CCDC88A: variants seen among roughly 807,000 people sequenced by gnomAD.
CCDC88A encodes girdin.
Under a neutral mutation model 234.3 loss-of-function variants are expected in CCDC88A, and 54 were observed. The ratio of observed to expected loss-of-function variants is 0.23; its 90% CI spans 0.19 to 0.29. The LOEUF (loss-of-function observed/expected upper bound fraction) is 0.29, where lower values mean the gene tolerates loss of function less well. Ranked by LOEUF, CCDC88A falls within the 10% of genes least tolerant of loss-of-function variation. CCDC88A has a pLI of 1.00. For synonymous variants in CCDC88A, 753 were observed against 737.8 expected (o/e 1.02, Z -0.33); for missense variants, 1,832 against 2,123.4 (o/e 0.86, Z 2.70).
chr2:55,387,704 C>T (rs1169161884), intron 3 of CCDC88A, among the ~76,000 whole-genome samples: 1 of 148,708 alleles, frequency 6.7e-6, no homozygotes, highest in Admixed American at 6.8e-5. Context: ...ATCGCTTGAA[C>T]CCAGGAGGCA....
rs79894424 is a variant in CCDC88A, at chr2:55,295,402, C to A, written c.5551+195G>T. On this transcript the variant is annotated intron_variant, in intron 31 of 32. Transcript: ENST00000436346. ...CCTATGCTATCTTTTGCCAACATTC[C>A]GAATGCATCACTAGGCATCCTAATA... 1,837 of 1,546,986 alleles carry A rather than the reference C, an allele frequency of 1.2e-3. 5 individuals carry two copies. Among genetic ancestry groups the A allele is most frequent in the Non-Finnish European group, 1.5e-3 (1,715 of 1,145,092 alleles).
intron 2 of CCDC88A, among the ~76,000 whole-genome samples, chr2:55,393,258 G>C (rs1214704326): frequency 2.1e-5 from 3 of 144,040 alleles, no homozygotes; most frequent in Non-Finnish European, 4.5e-5. Flanking sequence ...TTGTGTAACA[G>C]GAATATAGAG....
Position 55,318,938 on chromosome 2 carries a change from T to C in CCDC88A, c.3229A>G (p.Asn1077Asp). Residue 1077 changes from asparagine to aspartate, a missense_variant, in exon 19 of 33, where the codon AAT becomes GAT. By Grantham distance (23) the Asn-to-Asp change is conservative (BLOSUM62 1). This residue lies in a region of CCDC88A where 1,282 missense variants were observed against 1,543.6 expected (regional missense o/e 0.83). Coordinates refer to ENST00000436346, the MANE Select transcript of CCDC88A (RefSeq NM_001365480.1). ...TQLKQLETQN[N>D]NLQAQILALQ... ...GCAAGAATCTGAGCCTGCAAATTAT[T>C]GTTCTGTGTCTCAAGTTGCTTCAGT... 8 of 1,613,630 alleles carry C rather than the reference T, an allele frequency of 5.0e-6. No homozygotes were observed. The highest frequency in any genetic ancestry group is 6.8e-6 in the Non-Finnish European group (8 of 1,179,668).
At chr2:55,416,178 T>A (rs909285239) in intron 2 of CCDC88A, among the ~76,000 whole-genome samples, 6 of 151,404 alleles carry the variant, frequency 4.0e-5, no homozygotes, top group Admixed American at 6.6e-5. Flanking sequence ...AACATAGACA[T>A]GGAAGATATA....
At chr2:55,399,815 G>A (rs1420437344) in intron 2 of CCDC88A, 2 of 150,226 alleles carry the variant, frequency 1.3e-5, no homozygotes, top group Non-Finnish European at 3.0e-5. Context: ...ACATTTGTGA[G>A]ACTAAGCATA....
chr2:55,400,261 A>C (rs1678386148), intron 2 of CCDC88A, among the ~76,000 whole-genome samples: 1 of 152,220 alleles, frequency 6.6e-6, no homozygotes, highest in Admixed American at 6.5e-5. Flanking sequence ...TCTAAAATAA[A>C]AGATGAGCTA....
At chr2:55,408,056 G>C (rs552026327) in intron 2 of CCDC88A, among the ~76,000 whole-genome samples, 20 of 151,814 alleles carry the variant, frequency 1.3e-4, no homozygotes, top group Non-Finnish European at 2.5e-4. Flanking sequence ...TCTACCTCTA[G>C]TGTTAAATCA....
At chr2:55,305,802 G>A (rs1324203112) in intron 25 of CCDC88A, among the ~76,000 whole-genome samples, 3 of 151,954 alleles carry the variant, frequency 2.0e-5, no homozygotes, top group Non-Finnish European at 2.9e-5. Context: ...TCAAGACTGC[G>A]GTGAGCTATC....
At chr2:55,383,657 A>T (rs1390770392) in intron 3 of CCDC88A, among the ~76,000 whole-genome samples, 2 of 151,432 alleles carry the variant, frequency 1.3e-5, no homozygotes, top group Non-Finnish European at 2.9e-5. Flanking sequence ...ATACTAAAAT[A>T]CTAAATACTA....
At chr2:55,396,848 C>T (rs1198569343) in intron 2 of CCDC88A, among the ~76,000 whole-genome samples, 3 of 112,344 alleles carry the variant, frequency 2.7e-5, no homozygotes, top group Non-Finnish European at 5.0e-5. Context: ...GCAGCCTGGG[C>T]AACGGAGCAA....
At chr2:55,333,886 T>C (rs537234530) in intron 15 of CCDC88A, among the ~76,000 whole-genome samples, 1 of 152,160 alleles carries the variant, frequency 6.6e-6, no homozygotes. Context: ...ACTTTATTAC[T>C]ACAAATTCTT....
intron 22 of CCDC88A, among the ~76,000 whole-genome samples, 154 bp downstream of exon 22, chr2:55,315,774 A>G (rs1284096116): frequency 6.6e-6 from 1 of 152,220 alleles, no homozygotes; most frequent in African/African-American, 2.4e-5. Flanking sequence ...GTTGTTCTGA[A>G]TTACATGTAA....
At chr2:55,348,933 T>C (rs376974832) in intron 9 of CCDC88A, 3 of 152,362 alleles carry the variant, frequency 2.0e-5, no homozygotes, top group African/African-American at 7.2e-5. Flanking sequence ...TATCCAGCCT[T>C]ATCCTAATCC....
In CCDC88A at chr2:55,317,279, T is replaced by C. The variant is rs776777250; in HGVS notation, c.3673A>G (p.Lys1225Glu). 10 of 1,559,970 alleles carry C rather than the reference T, an allele frequency of 6.4e-6. 1 individual carries two copies. Among genetic ancestry groups the C allele is most frequent in the Non-Finnish European group, 1.7e-6 (2 of 1,149,552 alleles). Residue 1225 changes from lysine (K) to glutamate (E), a missense_variant, in exon 21 of 33, where the codon AAA (lysine) becomes GAA (glutamate). Physicochemically the swap from Lys to Glu is moderately conservative, Grantham distance 56 (BLOSUM62 1). This residue lies in a region of CCDC88A where 1,282 missense variants were observed against 1,543.6 expected (regional missense o/e 0.83). Coordinates refer to ENST00000436346, the MANE Select transcript of CCDC88A (RefSeq NM_001365480.1). This position sits in a 1 kb window ranked among gnomAD's most constrained non-coding sequence, Gnocchi z 4.2. The stretch of plus-strand genomic sequence containing the variant: ...TGATTTTTATTTTCAAGCAGCATTT[T>C]TTCCTGTTCTACTTTGAGCATTTTT... ...LEKMLKVEQE[K>E]MLLENKNHET...
chr2:55,340,923 T>G (rs1210350226), intron 12 of CCDC88A, among the ~76,000 whole-genome samples: 1 of 152,114 alleles, frequency 6.6e-6, no homozygotes, highest in Non-Finnish European at 1.5e-5. Flanking sequence ...CTCATCTAAG[T>G]GAAATTTTGT....
chr2:55,375,444 C>A (rs1242862452), intron 3 of CCDC88A, among the ~76,000 whole-genome samples: 5 of 140,280 alleles, frequency 3.6e-5, no homozygotes, highest in Non-Finnish European at 7.6e-5. Flanking sequence ...AAAAATACAT[C>A]AAATTTATAA....
At chr2:55,400,433 T>C (rs192737792) in intron 2 of CCDC88A, among the ~76,000 whole-genome samples, 41 of 152,312 alleles carry the variant, frequency 2.7e-4, no homozygotes, top group African/African-American at 9.1e-4. Context: ...GGCTCAAATC[T>C]GTCCAACCAG....
At chr2:55,362,981 G>A (rs1467462682) in intron 6 of CCDC88A, among the ~76,000 whole-genome samples, 1 of 151,920 alleles carries the variant, frequency 6.6e-6, no homozygotes, top group African/African-American at 2.4e-5. Flanking sequence ...ATTTCTCAGT[G>A]TAATTCTAAT....
intron 29 of CCDC88A, among the ~76,000 whole-genome samples, chr2:55,298,898 A>G (rs1236428244): frequency 1.3e-5 from 2 of 151,284 alleles, no homozygotes; most frequent in African/African-American, 4.9e-5. Flanking sequence ...AAAAAACACA[A>G]AAAAACAAAA....
Sources: allele counts gnomAD v4.1 joint callset (sites outside exome capture counted in the v4.1 genomes callset), GRCh38; gene constraint gnomAD v4.1.1; regional missense constraint gnomAD v4.1.1; non-coding constraint Gnocchi (gnomAD v3.1); transcripts MANE v1.5; gene names NCBI Gene and HGNC (gene_info 2026-07-23, HGNC 2026-07-21).